Variants in PLGRKT observed in about 807,000 individuals in gnomAD.
PLGRKT encodes plasminogen receptor with a C-terminal lysine, also known as plasminogen receptor (KT).
Under a neutral mutation model 18.5 loss-of-function variants are expected in PLGRKT, and 22 were observed. That is an observed-to-expected ratio of 1.19 (90% CI 0.85 to 1.70). The LOEUF (loss-of-function observed/expected upper bound fraction) is 1.70, where lower values mean the gene tolerates loss of function less well. Ranked by LOEUF, PLGRKT falls within the 40% of genes most tolerant of loss-of-function variation. The pLI, the probability that PLGRKT is intolerant of heterozygous loss-of-function variation, is 0.00. For synonymous variants in PLGRKT, 72 were observed against 52.8 expected (o/e 1.36, Z -1.58); for missense variants, 235 against 174.4 (o/e 1.35, Z -1.96).
At chr9:5,432,180 C>G (rs966188570) in intron 2 of PLGRKT, among the ~76,000 whole-genome samples, 197 bp from the exon 3 acceptor site, 2 of 152,196 alleles carry the variant, frequency 1.3e-5, no homozygotes, top group African/African-American at 4.8e-5. Flanking sequence ...GTCTGGCCAT[C>G]ATTTTACTCA....
At chr9:5,408,963 C>A (rs1014834937) in intron 3 of PLGRKT, among the ~76,000 whole-genome samples, 8 of 152,236 alleles carry the variant, frequency 5.3e-5, no homozygotes, top group African/African-American at 1.9e-4. Flanking sequence ...TGATGCTAAG[C>A]CTGTGAGTAT....
intron 5 of PLGRKT, among the ~76,000 whole-genome samples, chr9:5,358,798 A>G (rs1317837218): frequency 6.6e-6 from 1 of 152,192 alleles, no homozygotes; most frequent in Admixed American, 6.5e-5. Flanking sequence ...ATTACTTGTA[A>G]ACACTTAAAA....
chr9:5,413,275 T>C (rs1413436799), intron 3 of PLGRKT, among the ~76,000 whole-genome samples: 1 of 152,238 alleles, frequency 6.6e-6, no homozygotes. Context: ...GAAGCACTGT[T>C]TGTAATAGCA....
rs1586739164 is a variant in PLGRKT, at chr9:5,418,854, C to T, written c.81+13043G>A. 2.0e-5 allele frequency: 21 copies of T among 1,066,154 alleles called. No individual in the cohort carries two copies. Among genetic ancestry groups the T allele is most frequent in the South Asian group, 1.1e-4 (9 of 78,524 alleles). The allele number at this position is 1,066,154 out of a possible 1,614,324, so 66.0% of individuals were successfully genotyped here. ...ATCGCACATCCTTCTGGCTGGTCCT[C>T]GTCTGCTGGAGGCAAACTGAACAGC... On this transcript the variant is annotated intron_variant, in intron 3 of 5. Coordinates refer to ENST00000223864, the MANE Select transcript of PLGRKT (RefSeq NM_018465.4). This position sits in a 1 kb window ranked among gnomAD's most constrained non-coding sequence, Gnocchi z 4.2.
intron 3 of PLGRKT, among the ~76,000 whole-genome samples, chr9:5,389,563 G>A (rs1817908163): frequency 6.6e-6 from 1 of 151,886 alleles, no homozygotes; most frequent in South Asian, 2.1e-4. Context: ...TGAGTCATCA[G>A]AGAAAACCTG....
At chr9:5,390,216 C>CAT (rs1817922117) in intron 3 of PLGRKT, among the ~76,000 whole-genome samples, 2 of 147,558 alleles carry the variant, frequency 1.4e-5, no homozygotes, top group South Asian at 2.2e-4. Context: ...TATGTGTGTG[C>CAT]GTGTGTGTGT....
chr9:5,365,803 A>T (rs1043002267), intron 3 of PLGRKT, among the ~76,000 whole-genome samples: 5 of 152,122 alleles, frequency 3.3e-5, no homozygotes, highest in African/African-American at 9.7e-5. Flanking sequence ...TTTTCTAAAA[A>T]CCTAAAACTA....
Position 5,358,330 on chromosome 9 carries a change from T to C in PLGRKT, c.353A>G (p.Lys118Arg). 6.2e-7 allele frequency: 1 copy of C among 1,612,444 alleles called. No homozygotes were observed. Among genetic ancestry groups the C allele is most frequent in the Non-Finnish European group, 8.5e-7 (1 of 1,178,744 alleles). Residue 118 changes from lysine (K) to arginine (R), a missense_variant, in exon 6 of 6, where the codon AAG becomes AGG. Coordinates refer to ENST00000223864, the MANE Select transcript of PLGRKT (RefSeq NM_018465.4). The part of the protein sequence containing the change: ...GEAEDILETE[K>R]SKLQLPRGMI... ...TCCTCTTGGCAGCTGCAATTTACTC[T>C]TTTCTGTTTCCAGTATGTCCTCAGC...
At chr9:5,402,377 G>T (rs961450021) in intron 3 of PLGRKT, among the ~76,000 whole-genome samples, 1 of 151,890 alleles carries the variant, frequency 6.6e-6, no homozygotes, top group African/African-American at 2.4e-5. Context: ...GCTAGAAGGG[G>T]AAGGGGAAGG....
At chr9:5,376,961 T>C (rs1355309877) in intron 3 of PLGRKT, among the ~76,000 whole-genome samples, 1 of 152,206 alleles carries the variant, frequency 6.6e-6, no homozygotes, top group Non-Finnish European at 1.5e-5. Flanking sequence ...CATGTACACA[T>C]ATTAACTATT....
At chr9:5,404,997 G>C (rs1422662605) in intron 3 of PLGRKT, among the ~76,000 whole-genome samples, 1 of 152,058 alleles carries the variant, frequency 6.6e-6, no homozygotes. Context: ...GACAAGCAGA[G>C]AGCCAAATCA....
chr9:5,361,096 G>T lies in PLGRKT; in HGVS notation c.304C>A (p.Leu102Ile). ...GACTTACCTTTCATTCTTTCTAAAAGGGTTCCATAGCCCAAGTCATACTGG... is the reference window on the plus strand; with the variant it reads ...GACTTACCTTTCATTCTTTCTAAAATGGTTCCATAGCCCAAGTCATACTGG... ...TYQYDLGYGTLLERMKGEAED... is the reference protein window; with the variant it reads ...TYQYDLGYGTILERMKGEAED... Residue 102 changes from leucine to isoleucine, a missense_variant, in exon 5 of 6, where the codon CTT (leucine) becomes ATT (isoleucine). Coordinates refer to ENST00000223864, the MANE Select transcript of PLGRKT (RefSeq NM_018465.4). 2 of 1,560,116 alleles carry T rather than the reference G, an allele frequency of 1.3e-6. No individual in the cohort carries two copies. The highest frequency in any genetic ancestry group is 1.8e-6 in the Non-Finnish European group (2 of 1,132,822).
At chr9:5,388,464 T>C (rs188149595) in intron 3 of PLGRKT, among the ~76,000 whole-genome samples, 4 of 152,082 alleles carry the variant, frequency 2.6e-5, no homozygotes, top group African/African-American at 7.3e-5. Flanking sequence ...TACATAAAAA[T>C]CTATATAAAC....
In PLGRKT at chr9:5,411,390, AAAAAAAAAAG is replaced by A. The variant is rs1429066989; in HGVS notation, c.81+20497_81+20506del. Among the ~76,000 whole-genome samples, 50 of 149,924 alleles carry A rather than the reference AAAAAAAAAAG, an allele frequency of 3.3e-4. No individual in the cohort carries two copies. In the East Asian group the frequency reaches 9.3e-3, roughly 28 times the overall value. ...ACAGAGCAAGACCCTGTTTCAAAAA[AAAAAAAAAAG>A]AAAAGAAAAGAAAAGAGGGAAACAC... On this transcript the variant is annotated intron_variant, in intron 3 of 5. Transcript: ENST00000223864.
chr9:5,371,882 T>C lies in PLGRKT; in HGVS notation c.82-9994A>G, dbSNP rs923356266. 3.3e-5 allele frequency among the ~76,000 whole-genome samples: 5 copies of C among 151,886 alleles called. No homozygotes were observed. In the South Asian group the frequency reaches 1.0e-3, roughly 32 times the overall value. ...TTCCCAACAGTGCACAAAAGACCTC[T>C]ATTCTACAATACTTAGGATACCTAA... On this transcript the variant is annotated intron_variant, in intron 3 of 5. Coordinates refer to ENST00000223864, the MANE Select transcript of PLGRKT (RefSeq NM_018465.4).
At chr9:5,433,425 T>C (rs74638003) in intron 2 of PLGRKT, among the ~76,000 whole-genome samples, 1 of 147,496 alleles carries the variant, frequency 6.8e-6, no homozygotes, top group Non-Finnish European at 1.5e-5. Context: ...GGCTGCCCCA[T>C]CTGGGAAGTG....
Position 5,432,786 on chromosome 9 carries a change from G to A in PLGRKT, c.-6-803C>T, listed in dbSNP as rs141131161. Among the ~76,000 whole-genome samples, 62 of 152,282 alleles carry A rather than the reference G, an allele frequency of 4.1e-4. No homozygotes were observed. The East Asian group carries it at 0.011, about 27-fold the overall frequency. On this transcript the variant is annotated intron_variant, in intron 2 of 5. Coordinates refer to ENST00000223864, the MANE Select transcript of PLGRKT (RefSeq NM_018465.4). ...GTGCTGGGATTGCAGACGGAGTCTC[G>A]CTCATTCAGTGCTCAATGTTGCCCA...
At chr9:5,386,106 G>C (rs969137416) in intron 3 of PLGRKT, among the ~76,000 whole-genome samples, 1 of 151,822 alleles carries the variant, frequency 6.6e-6, no homozygotes, top group African/African-American at 2.4e-5. Context: ...CGAATGCACT[G>C]GATGTTACCA....
intron 3 of PLGRKT, among the ~76,000 whole-genome samples, chr9:5,375,191 T>C (rs909839983): frequency 1.3e-5 from 2 of 152,256 alleles, no homozygotes; most frequent in African/African-American, 4.8e-5. Context: ...ACATTTTACA[T>C]TATGAGTTGT....
Sources: gnomAD v4.1 joint callset for allele counts (sites outside exome capture counted in the v4.1 genomes callset) on GRCh38, gnomAD v4.1.1 for gene constraint, Gnocchi (gnomAD v3.1) non-coding constraint, MANE v1.5 for transcripts, NCBI Gene and HGNC (gene_info 2026-07-23, HGNC 2026-07-21) for gene names.